Variants in TMEM178B observed in about 807,000 individuals in gnomAD.
TMEM178B encodes transmembrane protein 178B.
In TMEM178B, 5 loss-of-function variants were observed where a neutral mutation model predicts 31.0. That is an observed-to-expected ratio of 0.16 (90% CI 0.08 to 0.34). The LOEUF is 0.34. Ranked by LOEUF, TMEM178B falls within the 10% of genes least tolerant of loss-of-function variation. The pLI, the probability that TMEM178B is intolerant of heterozygous loss-of-function variation, is 1.00. For synonymous variants in TMEM178B, 164 were observed against 164.0 expected (o/e 1.00, Z 0.00); for missense variants, 275 against 400.3 (o/e 0.69, Z 2.67).
At chr7:141,248,526 G>A (rs1797776781) in intron 2 of TMEM178B, among the ~76,000 whole-genome samples, 2 of 152,206 alleles carry the variant, frequency 1.3e-5, no homozygotes, top group South Asian at 4.1e-4. Context: ...GACATTGACG[G>A]TATAGCCTAC....
At chr7:141,136,616 CAATT>C (rs1161891106) in intron 1 of TMEM178B, among the ~76,000 whole-genome samples, 5 of 152,114 alleles carry the variant, frequency 3.3e-5, no homozygotes, top group African/African-American at 7.2e-5. Flanking sequence ...GAATTACAAA[CAATT>C]AATCAGCAAG....
At chr7:141,159,501 A>G (rs1796131972) in intron 1 of TMEM178B, among the ~76,000 whole-genome samples, 1 of 152,210 alleles carries the variant, frequency 6.6e-6, no homozygotes, top group Admixed American at 6.5e-5. Flanking sequence ...TTGTACACCC[A>G]TGTTCATAAA....
the TMEM178B span, among the ~76,000 whole-genome samples, chr7:141,498,472 T>C: frequency 3.9e-3 from 601 of 152,340 alleles, 6 homozygotes; most frequent in African/African-American, 0.014. Flanking sequence ...TTGGCCTCTT[T>C]ATACCATGGG....
intron 2 of TMEM178B, among the ~76,000 whole-genome samples, chr7:141,217,928 A>G (rs373394091): frequency 6.6e-6 from 1 of 152,116 alleles, no homozygotes; most frequent in East Asian, 1.9e-4. Context: ...GCTGAGAGCC[A>G]AGAAACCCAG....
At chr7:141,283,583 T>C (rs1204705518) in intron 2 of TMEM178B, among the ~76,000 whole-genome samples, 2 of 152,208 alleles carry the variant, frequency 1.3e-5, no homozygotes. Flanking sequence ...TTTTCACGTG[T>C]CTTATTGCAA....
chr7:141,300,394 A>G (rs1287398075), intron 2 of TMEM178B, among the ~76,000 whole-genome samples: 10 of 152,192 alleles, frequency 6.6e-5, no homozygotes, highest in African/African-American at 2.2e-4. Flanking sequence ...AAGAAAGGCT[A>G]TTTGATGAGC....
chr7:141,232,043 A>G (rs1402340202), intron 2 of TMEM178B, among the ~76,000 whole-genome samples: 1 of 152,044 alleles, frequency 6.6e-6, no homozygotes. Flanking sequence ...TCCCACTTAT[A>G]AGTGAGAACA....
intron 1 of TMEM178B, among the ~76,000 whole-genome samples, chr7:141,089,651 A>G: frequency 6.6e-6 from 1 of 152,226 alleles, no homozygotes; most frequent in Non-Finnish European, 1.5e-5. Flanking sequence ...AAAATGTGGC[A>G]CATATACACC....
At chr7:141,391,234 C>T (rs1025261843) in intron 2 of TMEM178B, among the ~76,000 whole-genome samples, 6 of 152,074 alleles carry the variant, frequency 3.9e-5, no homozygotes, top group African/African-American at 7.2e-5. Flanking sequence ...GGTGCGATCT[C>T]GGCTCACTGC....
At chr7:141,408,676 A>G (rs1175731726) in intron 2 of TMEM178B, among the ~76,000 whole-genome samples, 2 of 152,220 alleles carry the variant, frequency 1.3e-5, no homozygotes, top group African/African-American at 4.8e-5. Context: ...CAGTGTGTAA[A>G]GAACACCTTT....
At chr7:141,093,112 T>G (rs1794905855) in intron 1 of TMEM178B, among the ~76,000 whole-genome samples, 1 of 152,166 alleles carries the variant, frequency 6.6e-6, no homozygotes, top group Non-Finnish European at 1.5e-5. Context: ...GTGATTAGAT[T>G]TATGGCTCAA....
In TMEM178B at chr7:141,211,887, T is replaced by C. The variant is rs79548314; in HGVS notation, c.383-704T>C. ...GGTTGAGCCTGAGAAGTTGCACTTG[T>C]AGCAAGTTCCTAGGGAATGCTGATG... On this transcript the variant is annotated intron_variant, in intron 1 of 3. Transcript: ENST00000565468. Among the ~76,000 whole-genome samples the C allele has an allele frequency of 5.9e-5, 9 of 152,302 alleles. No homozygotes were observed. In the East Asian group the frequency reaches 1.7e-3, roughly 29 times the overall value.
the TMEM178B span, among the ~76,000 whole-genome samples, chr7:141,507,221 C>T: frequency 6.6e-6 from 1 of 152,164 alleles, no homozygotes; most frequent in Admixed American, 6.5e-5. Context: ...AGGTGGTACC[C>T]CAGTAGCAAC....
At chr7:141,322,252 C>A (rs566196215) in intron 2 of TMEM178B, among the ~76,000 whole-genome samples, 18 of 151,994 alleles carry the variant, frequency 1.2e-4, no homozygotes, top group African/African-American at 3.9e-4. Context: ...GTAGGCAGGG[C>A]CTGGTGGCTC....
chr7:141,136,608 AT>A (rs1413197315), intron 1 of TMEM178B, among the ~76,000 whole-genome samples: 1 of 152,226 alleles, frequency 6.6e-6, no homozygotes, highest in Admixed American at 6.5e-5. Flanking sequence ...GTAGAAAAGA[AT>A]TACAAACAAT....
intron 2 of TMEM178B, among the ~76,000 whole-genome samples, chr7:141,432,514 T>C (rs1241592409): frequency 3.3e-5 from 5 of 152,198 alleles, no homozygotes; most frequent in African/African-American, 4.8e-5. Context: ...GCTTAAGTCT[T>C]TTTTGGAACA....
intron 3 of TMEM178B, among the ~76,000 whole-genome samples, chr7:141,443,644 C>A (rs1801701018): frequency 6.6e-6 from 1 of 152,150 alleles, no homozygotes; most frequent in Admixed American, 6.5e-5. Flanking sequence ...CAAGTTTCCA[C>A]ACTGTAAAAT....
intron 2 of TMEM178B, among the ~76,000 whole-genome samples, chr7:141,369,949 G>T (rs1303253313): frequency 1.3e-5 from 2 of 152,182 alleles, no homozygotes. Flanking sequence ...GGAAAAAATT[G>T]CTGCTTATTT....
At chr7:141,371,662 C>T (rs1476403663) in intron 2 of TMEM178B, among the ~76,000 whole-genome samples, 2 of 152,166 alleles carry the variant, frequency 1.3e-5, no homozygotes, top group African/African-American at 4.8e-5. Flanking sequence ...GAACAGAATG[C>T]ATGACACCAG....
Sources: allele counts gnomAD v4.1 joint callset (sites outside exome capture counted in the v4.1 genomes callset), GRCh38; gene constraint gnomAD v4.1.1; transcripts MANE v1.5; gene names NCBI Gene and HGNC (gene_info 2026-07-23, HGNC 2026-07-21).